ATP5PF: variants seen among roughly 807,000 people sequenced by gnomAD.
The protein encoded by ATP5PF is ATP synthase peripheral stalk subunit F6, mitochondrial.
In ATP5PF, 7 loss-of-function variants were observed where a neutral mutation model predicts 12.0. The observed-to-expected ratio is 0.58, with a 90% CI of 0.33 to 1.10. ATP5PF has a LOEUF of 1.10. Ranked by LOEUF, ATP5PF falls within the 50% of genes least tolerant of loss-of-function variation. ATP5PF has a pLI of 0.03. For missense variants in ATP5PF, 120 were observed against 127.7 expected (o/e 0.94, Z 0.29); for synonymous variants, 41 against 45.4 (o/e 0.90, Z 0.39).
In ATP5PF at chr21:25,734,862, A is replaced by G; in HGVS notation, c.-17T>C. On this transcript the variant is annotated 5_prime_UTR_variant, in exon 1 of 4. Coordinates refer to ENST00000284971, the MANE Select transcript of ATP5PF (RefSeq NM_001003703.2). ...CTACCCTCCCAGTCACCTTGCACTC[A>G]GTCCCGAGCTGCCAAAGCCTCCGCC... 1 of 1,542,836 alleles carries G rather than the reference A, an allele frequency of 6.5e-7. No individual in the cohort carries two copies. Among genetic ancestry groups the G allele is most frequent in the South Asian group, 1.2e-5 (1 of 84,098 alleles).
At chr21:25,732,434 C>T (rs2034808322) in intron 1 of ATP5PF, among the ~76,000 whole-genome samples, 1 of 151,178 alleles carries the variant, frequency 6.6e-6, no homozygotes, top group East Asian at 1.9e-4. Context: ...ATCACTTAAG[C>T]CCAGGAATTC....
chr21:25,731,012 C>T (rs1027309061), intron 1 of ATP5PF, among the ~76,000 whole-genome samples: 9 of 152,004 alleles, frequency 5.9e-5, no homozygotes, highest in African/African-American at 2.2e-4. Flanking sequence ...CAGCCCGAGG[C>T]AGGTGGATCA....
At chr21:25,725,762 T>G (rs747153215) in intron 2 of ATP5PF, among the ~76,000 whole-genome samples, 4 of 152,202 alleles carry the variant, frequency 2.6e-5, no homozygotes, top group Non-Finnish European at 5.9e-5. Context: ...AAAGCATTCA[T>G]GTAGTCAAAG....
chr21:25,724,719 C>T, intron 3 of ATP5PF, 42 bp from the exon 4 acceptor site: 2 of 1,570,344 alleles, frequency 1.3e-6, no homozygotes, highest in Non-Finnish European at 8.6e-7. Flanking sequence ...AGCCAAATTG[C>T]AATAAAATGG....
At chr21:25,728,077 A>C (rs1488209325) in intron 2 of ATP5PF, among the ~76,000 whole-genome samples, 2 of 152,106 alleles carry the variant, frequency 1.3e-5, no homozygotes, top group Non-Finnish European at 2.9e-5. Flanking sequence ...TCAGTGTTTC[A>C]ATGTCTTGAC....
At chr21:25,732,116 G>C (rs993520772) in intron 1 of ATP5PF, among the ~76,000 whole-genome samples, 1 of 152,150 alleles carries the variant, frequency 6.6e-6, no homozygotes, top group African/African-American at 2.4e-5. Context: ...AGGGTTGGGG[G>C]TGGGGGAAGA....
In ATP5PF at chr21:25,724,533, A is replaced by C; in HGVS notation, c.*107T>G. On this transcript the variant is annotated 3_prime_UTR_variant, in exon 4 of 4. Transcript: ENST00000284971. ...ACCAAATAATTTATTTGGACTCAGA[A>C]TTAAAAGAACATTTGACAGTTATGA... 7.9e-7 allele frequency: 1 copy of C among 1,272,048 alleles called. No individual in the cohort carries two copies. The highest frequency in any genetic ancestry group is 2.4e-5 in the East Asian group (1 of 41,434). The allele number at this position is 1,272,048 out of a possible 1,614,324, so 78.8% of individuals were successfully genotyped here. A position where few individuals can be genotyped will look rare whatever the true frequency, so the allele number is the denominator to read the frequency against.
chr21:25,725,385 G>A (rs370782837), intron 2 of ATP5PF, 35 bp from the exon 3 acceptor site: 50 of 1,538,738 alleles, frequency 3.2e-5, no homozygotes, highest in South Asian at 4.9e-5. Context: ...AATTAATTTT[G>A]TGTACTAGCT....
upstream of ATP5PF, chr21:25,735,217 C>T (rs992365123): frequency 1.2e-5 from 7 of 590,464 alleles, no homozygotes; most frequent in African/African-American, 9.3e-5. Context: ...CCCTCCGAGT[C>T]AGCGTCCTGT....
chr21:25,731,366 A>C (rs998394044), intron 1 of ATP5PF, among the ~76,000 whole-genome samples: 3 of 151,996 alleles, frequency 2.0e-5, no homozygotes, highest in African/African-American at 4.8e-5. Flanking sequence ...ACGGTGACAA[A>C]AGGCTCACAA....
chr21:25,726,488 C>T (rs909452973), intron 2 of ATP5PF, among the ~76,000 whole-genome samples: 2 of 152,054 alleles, frequency 1.3e-5, no homozygotes, highest in Non-Finnish European at 2.9e-5. Flanking sequence ...TATTTTGAGA[C>T]CTTCTAAGAT....
upstream of ATP5PF, chr21:25,735,045 A>G (rs2034979603): frequency 7.3e-7 from 1 of 1,365,256 alleles, no homozygotes; most frequent in Non-Finnish European, 1.0e-6. Context: ...GTGAGACAGA[A>G]GCCAAACAGG....
chr21:25,729,609 C>G (rs775176169), intron 2 of ATP5PF, 22 bp downstream of exon 2: 2 of 1,575,360 alleles, frequency 1.3e-6, no homozygotes, highest in Non-Finnish European at 1.7e-6. Context: ...TATATTTACA[C>G]TGTAGTTATT....
At chr21:25,735,016 T>C, upstream of ATP5PF, 1 of 1,529,008 alleles carries the variant, frequency 6.5e-7, no homozygotes, top group Non-Finnish European at 8.8e-7. Flanking sequence ...GGAGACAGTC[T>C]GCGACCGGAC....
chr21:25,728,388 A>G (rs1205795257), intron 2 of ATP5PF, among the ~76,000 whole-genome samples: 1 of 152,190 alleles, frequency 6.6e-6, no homozygotes, highest in East Asian at 1.9e-4. Flanking sequence ...CCTATACTCC[A>G]GGGAAATAGA....
At chr21:25,734,734 C>G in intron 1 of ATP5PF, 119 bp downstream of exon 1, 2 of 1,059,414 alleles carry the variant, frequency 1.9e-6, no homozygotes, top group Admixed American at 2.7e-5. Flanking sequence ...CGTGAAGGTC[C>G]CCAGGACACA....
In ATP5PF at chr21:25,733,077, T is replaced by C. The variant is rs182013461; in HGVS notation, c.-8+1776A>G. On this transcript the variant is annotated intron_variant, in intron 1 of 3. Transcript: ENST00000284971. ...CCTGACAGAATGAAAGCAAACTGTTTGAAGAAATTAAAGAATTCATAACAT... is the reference window on the plus strand; with the variant it reads ...CCTGACAGAATGAAAGCAAACTGTTCGAAGAAATTAAAGAATTCATAACAT... Among the ~76,000 whole-genome samples the C allele has an allele frequency of 1.8e-3, 271 of 151,824 alleles. 1 individual carries two copies. Among genetic ancestry groups the C allele is most frequent in the African/African-American group, 6.2e-3 (258 of 41,346 alleles).
At chr21:25,734,926 C>T, upstream of ATP5PF, 1 of 1,573,142 alleles carries the variant, frequency 6.4e-7, no homozygotes, top group Non-Finnish European at 8.6e-7. Flanking sequence ...TGGCTCCGCC[C>T]CCACACGCCT....
chr21:25,725,796 G>A (rs936468087), intron 2 of ATP5PF, among the ~76,000 whole-genome samples: 2 of 152,172 alleles, frequency 1.3e-5, no homozygotes, highest in African/African-American at 4.8e-5. Context: ...AAGAAAATAA[G>A]TATTTCTACT....
Sources: gnomAD v4.1 joint callset for allele counts (sites outside exome capture counted in the v4.1 genomes callset) on GRCh38, gnomAD v4.1.1 for gene constraint, MANE v1.5 for transcripts, NCBI Gene and HGNC (gene_info 2026-07-23, HGNC 2026-07-21) for gene names.